The following PCDH11Y variants were observed in gnomAD, a reference collection of about 807,000 sequenced individuals.
PCDH11Y encodes protocadherin-11 Y-linked.
For missense variants in PCDH11Y, 12 were observed against 224.8 expected (o/e 0.05, Z 6.05); for synonymous variants, 9 against 83.6 (o/e 0.11, Z 4.87).
intron 2 of PCDH11Y, among the ~76,000 whole-genome samples, chrY:5,310,812 AT>A (rs2053098712): frequency 3.0e-5 from 1 of 32,843 alleles, no homozygotes; most frequent in South Asian, 6.5e-4. Flanking sequence ...TAAAATAATA[AT>A]AAAAATAAAA....
intron 3 of PCDH11Y, among the ~76,000 whole-genome samples, chrY:5,042,302 G>A: frequency 9.4e-5 from 2 of 21,350 alleles, no homozygotes; most frequent in Non-Finnish European, 2.2e-4. Flanking sequence ...TGTAAGGAAG[G>A]GATCCAGTTT....
intron 2 of PCDH11Y, among the ~76,000 whole-genome samples, chrY:5,243,746 G>A: frequency 1.6e-4 from 5 of 31,240 alleles, no homozygotes; most frequent in South Asian, 1.4e-3. Flanking sequence ...TTGGCCCCCA[G>A]TGACCCCAGG....
chrY:5,239,835 T>C, intron 2 of PCDH11Y, among the ~76,000 whole-genome samples: 2 of 33,125 alleles, frequency 6.0e-5, no homozygotes, highest in African/African-American at 2.4e-4. Context: ...ATGTTGGCAA[T>C]GAGGTATGGC....
At chrY:5,057,891 A>G (rs2124628400) in intron 1 of PCDH11Y, among the ~76,000 whole-genome samples, 1 of 30,971 alleles carries the variant, frequency 3.2e-5, no homozygotes, top group South Asian at 7.5e-4. Context: ...GCCATTTGAT[A>G]TGGTGCCAAA....
At chrY:5,624,831 T>C (rs2053505156) in intron 4 of PCDH11Y, among the ~76,000 whole-genome samples, 1 of 33,099 alleles carries the variant, frequency 3.0e-5, no homozygotes, top group African/African-American at 1.2e-4. Context: ...TCCAGCTTTA[T>C]TATTTTTGCC....
chrY:5,721,158 G>A, intron 4 of PCDH11Y, among the ~76,000 whole-genome samples: 1 of 32,504 alleles, frequency 3.1e-5, no homozygotes, highest in East Asian at 8.3e-4. Context: ...CATTTTTATC[G>A]TGAGAGCAGT....
At chrY:5,736,290 G>A (rs2124715782) in intron 4 of PCDH11Y, among the ~76,000 whole-genome samples, 11 of 33,049 alleles carry the variant, frequency 3.3e-4, no homozygotes, top group African/African-American at 1.1e-3. Context: ...AGTCTTCTAT[G>A]CATTTACTGA....
intron 2 of PCDH11Y, among the ~76,000 whole-genome samples, chrY:5,337,134 A>G (rs1602906924): frequency 9.1e-5 from 3 of 33,037 alleles, no homozygotes; most frequent in Non-Finnish European, 2.2e-4. Context: ...TTATTCACTT[A>G]TCTTTTATTC....
In PCDH11Y at chrY:5,604,393, T is replaced by G. The variant is rs2124699988; in HGVS notation, c.3352+22595T>G. On this transcript the variant is annotated intron_variant, in intron 4 of 4. Coordinates refer to the PCDH11Y transcript ENST00000400457. ...AGAAAGACAGCAAGGAGAAAGAGAA[T>G]GCATACTACATATAAATCGCACTTT... 1.2e-4 allele frequency among the ~76,000 whole-genome samples: 4 copies of G among 32,714 alleles called. No individual in the cohort carries two copies. The East Asian group carries it at 3.3e-3, about 27-fold the overall frequency. 87.8% of individuals were successfully genotyped at this position (32,714 alleles called of 37,273 possible).
chrY:5,074,632 T>C, intron 1 of PCDH11Y, among the ~76,000 whole-genome samples: 1 of 33,312 alleles, frequency 3.0e-5, no homozygotes, highest in African/African-American at 1.2e-4. Flanking sequence ...TGCTAAATGA[T>C]AAAACAGAGT....
chrY:5,165,631 G>A (rs2124644859), intron 2 of PCDH11Y, among the ~76,000 whole-genome samples: 2 of 32,302 alleles, frequency 6.2e-5, no homozygotes, highest in South Asian at 1.3e-3. Flanking sequence ...AGGACCTCAG[G>A]CTTAATATTA....
At chrY:5,497,939 C>G in intron 2 of PCDH11Y, among the ~76,000 whole-genome samples, 1 of 33,243 alleles carries the variant, frequency 3.0e-5, no homozygotes, top group Non-Finnish European at 7.4e-5. Flanking sequence ...GCTGATTGGT[C>G]AGTGGTGAAA....
chrY:5,198,216 C>T (rs2052923112), intron 2 of PCDH11Y, among the ~76,000 whole-genome samples: 1 of 20,228 alleles, frequency 4.9e-5, no homozygotes, highest in Non-Finnish European at 1.1e-4. Context: ...GGCAGGATCT[C>T]GGCTCATTGC....
intron 3 of PCDH11Y, among the ~76,000 whole-genome samples, chrY:5,046,973 G>A: frequency 3.0e-5 from 1 of 33,674 alleles, no homozygotes; most frequent in Non-Finnish European, 7.4e-5. Context: ...GCTTCGCCTC[G>A]CGCACGGTGC....
intron 2 of PCDH11Y, among the ~76,000 whole-genome samples, chrY:5,447,958 C>T: frequency 2.0e-4 from 6 of 30,363 alleles, no homozygotes; most frequent in African/African-American, 6.5e-4. Context: ...ACAGAAAAAC[C>T]ATAAAGTATT....
chrY:5,533,834 C>T, intron 3 of PCDH11Y, among the ~76,000 whole-genome samples: 9 of 33,174 alleles, frequency 2.7e-4, no homozygotes, highest in Non-Finnish European at 5.9e-4. Flanking sequence ...ATTATTGTTC[C>T]ATTAATTATA....
chrY:5,302,852 A>C, intron 2 of PCDH11Y, among the ~76,000 whole-genome samples: 1 of 32,430 alleles, frequency 3.1e-5, no homozygotes, highest in Non-Finnish European at 7.6e-5. Flanking sequence ...TATTTATAAA[A>C]TGTTTTATCT....
intron 4 of PCDH11Y, among the ~76,000 whole-genome samples, chrY:5,612,175 A>G: frequency 3.1e-5 from 1 of 32,387 alleles, no homozygotes; most frequent in African/African-American, 1.2e-4. Flanking sequence ...AGCTGTTCCT[A>G]TTCGGCCATC....
At chrY:5,411,420 C>T in intron 2 of PCDH11Y, among the ~76,000 whole-genome samples, 1 of 27,976 alleles carries the variant, frequency 3.6e-5, no homozygotes, top group African/African-American at 1.4e-4. Context: ...TTTTGCTATG[C>T]AGAAGCTCTT....
Sources: allele counts gnomAD v4.1 joint callset (sites outside exome capture counted in the v4.1 genomes callset), GRCh38; gene constraint gnomAD v4.1.1; transcripts MANE v1.5; gene names NCBI Gene and HGNC (gene_info 2026-07-23, HGNC 2026-07-21).